TLN1: variants seen among roughly 807,000 people sequenced by gnomAD.
The protein encoded by TLN1 is talin 1.
Under a neutral mutation model 292.3 loss-of-function variants are expected in TLN1, and 56 were observed. The observed-to-expected ratio is 0.19, with a 90% CI of 0.15 to 0.24. TLN1 has a LOEUF of 0.24. Among genes scored for constraint, TLN1 ranks in the 10% least tolerant of loss-of-function variants. The pLI, the probability that TLN1 is intolerant of heterozygous loss-of-function variation, is 1.00. For synonymous variants in TLN1, 1,119 were observed against 1,253.7 expected (o/e 0.89, Z 2.27); for missense variants, 2,433 against 3,248.2 (o/e 0.75, Z 6.10).
Position 35,714,273 on chromosome 9 carries a change from G to A in TLN1, c.3086C>T (p.Thr1029Ile). Reference sequence around the variant, plus strand: ...AGCCGTCCGGAGTTCAGCCAGCGCGGTGCCCAGGTTCTTGGCACACTGACT... The same window carrying A: ...AGCCGTCCGGAGTTCAGCCAGCGCGATGCCCAGGTTCTTGGCACACTGACT... ...QLSQCAKNLG[T>I]ALAELRTAAQ... The change falls in exon 24 of 57, where the codon ACC becomes ATC. Residue 1029 changes from threonine to isoleucine, a missense_variant. Around this residue, in one of 7 missense-constraint regions of TLN1, gnomAD observed 1,384 missense variants for 1,699.6 expected, o/e 0.81. Transcript: ENST00000314888. The surrounding 1 kb of genome is among the most constrained non-coding windows in gnomAD (Gnocchi z 4.6). 1 of 1,613,464 alleles carries A rather than the reference G, an allele frequency of 6.2e-7. No individual in the cohort carries two copies. The highest frequency in any genetic ancestry group is 8.5e-7 in the Non-Finnish European group (1 of 1,179,438).
In TLN1 at chr9:35,700,180, A is replaced by G. The variant is rs779916121; in HGVS notation, c.6660+11T>C. The G allele has an allele frequency of 1.3e-6, 2 of 1,595,658 alleles. No homozygotes were observed. The highest frequency in any genetic ancestry group is 1.7e-5 in the Admixed American group (1 of 59,654). On this transcript the variant is annotated intron_variant, in intron 49 of 56. Transcript: ENST00000314888. The stretch of plus-strand genomic sequence containing the variant: ...AAAGCTGCCTCACGGAAATGCCTCA[A>G]GGATTTCTACCTTGCAAGCCCGAAG...
chr9:35,700,967 C>T (rs530911010), intron 48 of TLN1, among the ~76,000 whole-genome samples: 3 of 152,278 alleles, frequency 2.0e-5, no homozygotes, highest in Non-Finnish European at 1.5e-5. Flanking sequence ...AATAAATAAA[C>T]AAGCAGCAAA....
Position 35,719,858 on chromosome 9 carries a change from A to G in TLN1, c.1465-5T>C, listed in dbSNP as rs1349934183. The G allele has an allele frequency of 4.4e-6, 7 of 1,580,490 alleles. No homozygotes were observed. The highest frequency in any genetic ancestry group is 6.0e-6 in the Non-Finnish European group (7 of 1,162,570). On this transcript the variant is annotated splice_polypyrimidine_tract_variant and splice_region_variant and intron_variant, in intron 13 of 56. Coordinates refer to ENST00000314888, the MANE Select transcript of TLN1 (RefSeq NM_006289.4). The surrounding 1 kb of genome is among the most constrained non-coding windows in gnomAD (Gnocchi z 4.6). ...GAGTGCCTGCTGGGCTGAAGTCTAA[A>G]GACAAGTGGGGAGAAACAGGGACTG...
intron 25 of TLN1, 133 bp downstream of exon 25, chr9:35,713,820 A>G: frequency 1.0e-6 from 1 of 961,894 alleles, no homozygotes; most frequent in African/African-American, 1.6e-5. Flanking sequence ...AGGAAGAAGA[A>G]AGAAAAGAAA....
intron 48 of TLN1, among the ~76,000 whole-genome samples, chr9:35,701,428 C>T (rs1269308926): frequency 1.3e-5 from 2 of 152,168 alleles, no homozygotes; most frequent in African/African-American, 4.8e-5. Flanking sequence ...GCATGGGCCA[C>T]CTTGCCCAGC....
At position 35,729,679 on chromosome 9, in the gene TLN1, T is replaced by C. The variant is rs568528371; in HGVS notation, c.-34+2396A>G. On this transcript the variant is annotated intron_variant, in intron 1 of 56. Coordinates refer to ENST00000314888, the MANE Select transcript of TLN1 (RefSeq NM_006289.4). ...GTCACTCAGAACAAGTTTGGGGAGGTAGAAATGACAGGACCTAATAACTAC... is the reference window on the plus strand; with the variant it reads ...GTCACTCAGAACAAGTTTGGGGAGGCAGAAATGACAGGACCTAATAACTAC... 8.7e-4 allele frequency among the ~76,000 whole-genome samples: 122 copies of C among 140,996 alleles called. 10 individuals carry two copies. The highest frequency in any genetic ancestry group is 7.9e-5 in the Non-Finnish European group (5 of 63,292). The allele number at this position is 140,996 out of a possible 152,430, so 92.5% of individuals were successfully genotyped here. A position where few individuals can be genotyped will look rare whatever the true frequency, so the allele number is the denominator to read the frequency against.
At position 35,703,499 on chromosome 9, in the gene TLN1, C is replaced by T. The variant is rs191454625; in HGVS notation, c.6474+61G>A. 62 of 1,468,670 alleles carry T rather than the reference C, an allele frequency of 4.2e-5. No individual in the cohort carries two copies. In the Admixed American group the frequency reaches 1.0e-3, roughly 25 times the overall value. 91.0% of individuals were successfully genotyped at this position (1,468,670 alleles called of 1,614,324 possible). On this transcript the variant is annotated intron_variant, in intron 48 of 56. Coordinates refer to ENST00000314888, the MANE Select transcript of TLN1 (RefSeq NM_006289.4). ...TGTGAGTATATGTGTGGCACAGGTT[C>T]ACAGGCTTTCAGGATCCCTCTCTCT... is the stretch of plus-strand genomic sequence containing the variant.
Position 35,716,399 on chromosome 9 carries a change from C to T in TLN1, c.2616G>A (p.Glu872=). Residue 872 remains glutamate (E), a synonymous_variant, in exon 20 of 57, where the codon GAG becomes GAA. Coordinates refer to ENST00000314888, the MANE Select transcript of TLN1 (RefSeq NM_006289.4). ...ACAGAAGGCTTTGTACCTTGGCAGC[C>T]TCTACCATCTTGGCTGTGGCATCAG... ...ILADATAKMV[E]AAKGAAAHPD... 6.2e-7 allele frequency: 1 copy of T among 1,614,158 alleles called. No homozygotes were observed. Among genetic ancestry groups the T allele is most frequent in the Non-Finnish European group, 8.5e-7 (1 of 1,180,034 alleles).
intron 48 of TLN1, among the ~76,000 whole-genome samples, chr9:35,702,654 A>G (rs1825485379): frequency 6.6e-6 from 1 of 151,796 alleles, no homozygotes; most frequent in Non-Finnish European, 1.5e-5. Context: ...CACCACGCCC[A>G]GCTAATTTTT....
At chr9:35,715,582 G>A (rs1163785576) in intron 20 of TLN1, among the ~76,000 whole-genome samples, 2 of 152,236 alleles carry the variant, frequency 1.3e-5, no homozygotes, top group East Asian at 3.8e-4. Context: ...GGGGGCCTAG[G>A]AATCATCTGG....
rs1826092330 is a variant in TLN1 at position 35,732,096 on chromosome 9, C to T, written c.-55G>A. 1 of 153,668 alleles carries T rather than the reference C, an allele frequency of 6.5e-6. No individual in the cohort carries two copies. Among genetic ancestry groups the T allele is most frequent in the Non-Finnish European group, 1.5e-5 (1 of 68,816 alleles). 9.5% of individuals were successfully genotyped at this position (153,668 alleles called of 1,614,324 possible). On this transcript the variant is annotated 5_prime_UTR_variant, in exon 1 of 57. Transcript: ENST00000314888. This position sits in a 1 kb window ranked among gnomAD's most constrained non-coding sequence, Gnocchi z 5.1. ...CTACCTGCGCTGCCTGGCTCTGCGC[C>T]CCGCCCGCCGGCCCGCCGCCCCGCC...
Position 35,699,169 on chromosome 9 carries a change from A to C in TLN1, c.6875-13T>G. On this transcript the variant is annotated splice_polypyrimidine_tract_variant and intron_variant, in intron 51 of 56. Coordinates refer to ENST00000314888, the MANE Select transcript of TLN1 (RefSeq NM_006289.4). The surrounding 1 kb of genome is among the most constrained non-coding windows in gnomAD (Gnocchi z 4.0). ...ACCCATTCTGTTCCTGGTGGGATGA[A>C]GGAAGAGGAAAGAGGCTAAGGCAGA... The C allele has an allele frequency of 6.3e-7, 1 of 1,599,554 alleles. No individual in the cohort carries two copies. The highest frequency in any genetic ancestry group is 8.5e-7 in the Non-Finnish European group (1 of 1,171,428).
chr9:35,714,319 G>T lies in TLN1; in HGVS notation c.3040C>A (p.Gln1014Lys), dbSNP rs1434677114. Residue 1014 changes from glutamine (Q) to lysine (K), a missense_variant, in exon 24 of 57, where the codon CAG becomes AAG. Gln to Lys is a moderately conservative substitution (Grantham distance 53). Transcript: ENST00000314888. The surrounding 1 kb of genome is among the most constrained non-coding windows in gnomAD (Gnocchi z 4.6). Reference protein sequence around the residue: ...AKASVPTIQDQASAMQLSQCA... With the variant: ...AKASVPTIQDKASAMQLSQCA... ...TGACTCAGCTGCATGGCTGAAGCCT[G>T]GTCCTGAATCGTTGGCACTGAGGCC... The T allele has an allele frequency of 6.2e-7, 1 of 1,613,826 alleles. No individual in the cohort carries two copies. The highest frequency in any genetic ancestry group is 8.5e-7 in the Non-Finnish European group (1 of 1,179,882).
intron 27 of TLN1, 70 bp from the exon 28 acceptor site, chr9:35,712,194 A>G: frequency 6.5e-7 from 1 of 1,534,990 alleles, no homozygotes; most frequent in South Asian, 1.2e-5. Flanking sequence ...TTCACGCGAC[A>G]TGGGAGATGA....
chr9:35,699,589 C>A lies in TLN1; in HGVS notation c.6769-128G>T. ...CACTCCACACCATAGCCCTCAAACT[C>A]CACGCTGCCTATCCAAGTACACATC... is the stretch of plus-strand genomic sequence containing the variant. On this transcript the variant is annotated intron_variant, in intron 50 of 56. Transcript: ENST00000314888. The surrounding 1 kb of genome is among the most constrained non-coding windows in gnomAD (Gnocchi z 4.0). 7.0e-7 allele frequency: 1 copy of A among 1,432,094 alleles called. No homozygotes were observed. The highest frequency in any genetic ancestry group is 1.5e-5 in the South Asian group (1 of 66,088). 88.7% of individuals were successfully genotyped at this position (1,432,094 alleles called of 1,614,324 possible).
intron 48 of TLN1, among the ~76,000 whole-genome samples, chr9:35,702,485 AT>A (rs560082440): frequency 1.4e-3 from 220 of 151,784 alleles, no homozygotes; most frequent in Non-Finnish European, 2.1e-3. Context: ...AAAGAATTTC[AT>A]TTTTTTTCTT....
chr9:35,715,839 G>C (rs373342277), intron 20 of TLN1, among the ~76,000 whole-genome samples: 29 of 151,582 alleles, frequency 1.9e-4, no homozygotes, highest in African/African-American at 6.8e-4. Context: ...ATTATAGCTA[G>C]ATAGGAGTAA....
At chr9:35,720,629 C>CTTTT (rs372029210) in intron 11 of TLN1, 120 bp from the exon 12 acceptor site, 13 of 833,368 alleles carry the variant, frequency 1.6e-5, no homozygotes, top group African/African-American at 3.7e-5. Context: ...ATTTCTTTTT[C>CTTTT]TTTTTTTTTT....
At chr9:35,716,264 T>C (rs1825781430) in intron 20 of TLN1, 126 bp downstream of exon 20, 1 of 1,024,652 alleles carries the variant, frequency 9.8e-7, no homozygotes, top group Non-Finnish European at 1.4e-6. Flanking sequence ...TCCTGAGTGC[T>C]CCTATATTTG....
Sources: gnomAD v4.1 joint callset for allele counts (sites outside exome capture counted in the v4.1 genomes callset) on GRCh38, gnomAD v4.1.1 for gene constraint, gnomAD v4.1.1 regional missense constraint, Gnocchi (gnomAD v3.1) non-coding constraint, MANE v1.5 for transcripts, NCBI Gene and HGNC (gene_info 2026-07-23, HGNC 2026-07-21) for gene names.